The following VDAC2 variants were observed in gnomAD, a reference collection of about 807,000 sequenced individuals.
VDAC2 encodes the protein non-selective voltage-gated ion channel VDAC2.
A neutral mutation model predicts 36.6 loss-of-function variants in VDAC2; 6 were observed. The ratio of observed to expected loss-of-function variants is 0.16; its 90% CI spans 0.09 to 0.32. VDAC2 has a LOEUF of 0.32. Among genes scored for constraint, VDAC2 ranks in the 10% least tolerant of loss-of-function variants. The pLI, the probability that VDAC2 is intolerant of heterozygous loss-of-function variation, is 1.00. For missense variants in VDAC2, 247 were observed against 346.0 expected (o/e 0.71, Z 2.27); for synonymous variants, 109 against 123.8 (o/e 0.88, Z 0.79).
At chr10:75,210,429 G>C (rs988617497), upstream of VDAC2, among the ~76,000 whole-genome samples, 2 of 152,212 alleles carry the variant, frequency 1.3e-5, no homozygotes, top group Non-Finnish European at 1.5e-5. Flanking sequence ...GGGAGTAGGA[G>C]AGATCTACGT....
chr10:75,217,786 C>T (rs1414957927), intron 4 of VDAC2: 2 of 643,472 alleles, frequency 3.1e-6, no homozygotes, highest in African/African-American at 1.9e-5. Flanking sequence ...GGATTTGTCT[C>T]TAACAGCAGA....
intron 2 of VDAC2, chr10:75,211,401 C>T (rs1351532602): frequency 1.4e-6 from 2 of 1,436,952 alleles, no homozygotes; most frequent in South Asian, 1.5e-5. Flanking sequence ...TGGTCTGTGG[C>T]CGCATGGACT....
Position 75,218,961 on chromosome 10 carries a change from T to C in VDAC2, c.151-102T>C, listed in dbSNP as rs545189837. 4.7e-5 allele frequency: 59 copies of C among 1,253,412 alleles called. 2 individuals carry two copies. The highest frequency in any genetic ancestry group is 4.3e-4 in the East Asian group (18 of 42,024). The allele number at this position is 1,253,412 out of a possible 1,614,324, so 77.6% of individuals were successfully genotyped here. A position where few individuals can be genotyped will look rare whatever the true frequency, so the allele number is the denominator to read the frequency against. ...GAAGCTAGAAAAAGGATTCATGAAT[T>C]TACCAAATGTTTCAGGGGGTTTGTG... On this transcript the variant is annotated intron_variant, in intron 4 of 9. Coordinates refer to ENST00000332211, the MANE Select transcript of VDAC2 (RefSeq NM_001391963.1).
intron 6 of VDAC2, among the ~76,000 whole-genome samples, chr10:75,219,827 T>C (rs1304325123): frequency 2.0e-5 from 3 of 150,276 alleles, no homozygotes; most frequent in Non-Finnish European, 4.4e-5. Flanking sequence ...ATTTATTTTA[T>C]TTTATTTTAT....
At chr10:75,217,987 C>T (rs1460218366) in intron 4 of VDAC2, 1 of 1,258,210 alleles carries the variant, frequency 7.9e-7, no homozygotes, top group Non-Finnish European at 1.0e-6. Flanking sequence ...ACTCAGGAGG[C>T]TGAGGTACGT....
At chr10:75,213,140 G>A (rs1453133053) in intron 3 of VDAC2, among the ~76,000 whole-genome samples, 1 of 152,086 alleles carries the variant, frequency 6.6e-6, no homozygotes, top group African/African-American at 2.4e-5. Context: ...GTACAGGGGC[G>A]TGATCTCGGC....
intron 9 of VDAC2, among the ~76,000 whole-genome samples, chr10:75,230,141 G>A (rs1238638329): frequency 2.0e-5 from 3 of 152,100 alleles, no homozygotes; most frequent in East Asian, 1.9e-4. Flanking sequence ...CTAGAACAGC[G>A]CTTCTCCAAC....
intron 4 of VDAC2, among the ~76,000 whole-genome samples, 194 bp downstream of exon 4, chr10:75,214,264 CAT>C (rs1841528795): frequency 6.6e-6 from 1 of 152,166 alleles, no homozygotes; most frequent in Non-Finnish European, 1.5e-5. Flanking sequence ...GGTCTTTCGT[CAT>C]ATTATGTATG....
upstream of VDAC2, among the ~76,000 whole-genome samples, chr10:75,210,413 C>T (rs998046381): frequency 6.6e-6 from 1 of 152,182 alleles, no homozygotes; most frequent in Non-Finnish European, 1.5e-5. Context: ...CGCACCAGCG[C>T]GTAAGGGGAG....
At chr10:75,221,300 G>C (rs1841805392) in intron 7 of VDAC2, among the ~76,000 whole-genome samples, 1 of 152,072 alleles carries the variant, frequency 6.6e-6, no homozygotes, top group African/African-American at 2.4e-5. Context: ...TGATAGGATT[G>C]CCTAAAATGT....
chr10:75,220,828 G>A lies in VDAC2; in HGVS notation c.442G>A (p.Ala148Thr), dbSNP rs748945693. The change falls in exon 7 of 10, where the codon GCA becomes ACA. Residue 148 changes from alanine to threonine, a missense_variant. Around this residue, in one of 3 missense-constraint regions of VDAC2, gnomAD observed 159 missense variants for 234.0 expected, o/e 0.68. Transcript: ENST00000332211. ...TGTTGACTTTGATTTTGCTGGACCT[G>A]CAATCCATGGTTCAGCTGTCTTTGG... is the stretch of plus-strand genomic sequence containing the variant. ...CDVDFDFAGP[A>T]IHGSAVFGYE... The A allele has an allele frequency of 4.3e-6, 7 of 1,613,346 alleles. No homozygotes were observed. The East Asian group carries it at 1.3e-4, about 31-fold the overall frequency.
intron 7 of VDAC2, among the ~76,000 whole-genome samples, chr10:75,222,022 A>C (rs1841828121): frequency 6.6e-6 from 1 of 152,238 alleles, no homozygotes; most frequent in Admixed American, 6.5e-5. Context: ...TGCATGTTTA[A>C]TACAGTGTGA....
At chr10:75,219,863 T>G (rs192720922) in intron 6 of VDAC2, among the ~76,000 whole-genome samples, 1,990 of 151,836 alleles carry the variant, frequency 0.013, 32 homozygotes, top group Middle Eastern at 0.055. Context: ...AGTCTTACTC[T>G]GTCACACAGG....
intron 3 of VDAC2, 138 bp downstream of exon 3, chr10:75,212,436 A>G: frequency 1.3e-6 from 1 of 799,650 alleles, no homozygotes; most frequent in Non-Finnish European, 1.9e-6. Flanking sequence ...TTTTTGAGAC[A>G]GGGTCTCCCT....
chr10:75,212,615 T>A (rs982878570), intron 3 of VDAC2, among the ~76,000 whole-genome samples: 2 of 152,182 alleles, frequency 1.3e-5, no homozygotes, highest in South Asian at 2.1e-4. Flanking sequence ...AGGTGGGGTC[T>A]CACTGTGTTA....
chr10:75,211,372 G>A, intron 2 of VDAC2, 183 bp downstream of exon 2: 8 of 1,396,328 alleles, frequency 5.7e-6, no homozygotes, highest in Non-Finnish European at 7.6e-6. Flanking sequence ...TTTCAAATGG[G>A]GAACAAGGCC....
intron 7 of VDAC2, 90 bp downstream of exon 7, chr10:75,221,060 A>G: frequency 7.6e-7 from 1 of 1,309,256 alleles, no homozygotes; most frequent in African/African-American, 1.5e-5. Flanking sequence ...TGCACCCTAA[A>G]GGATTTCTCA....
At chr10:75,228,053 C>G (rs978438227) in intron 8 of VDAC2, among the ~76,000 whole-genome samples, 126 of 151,716 alleles carry the variant, frequency 8.3e-4, no homozygotes, top group African/African-American at 3.0e-3. Context: ...CACCACCACG[C>G]CCGGCTAATT....
intron 8 of VDAC2, among the ~76,000 whole-genome samples, chr10:75,222,702 C>G (rs1389057924): frequency 3.9e-5 from 6 of 152,092 alleles, no homozygotes; most frequent in African/African-American, 1.5e-4. Context: ...GTGGTTCTTA[C>G]TGTGTCAGAA....
Sources: gnomAD v4.1 joint callset for allele counts (sites outside exome capture counted in the v4.1 genomes callset) on GRCh38, gnomAD v4.1.1 for gene constraint, gnomAD v4.1.1 regional missense constraint, MANE v1.5 for transcripts, NCBI Gene and HGNC (gene_info 2026-07-23, HGNC 2026-07-21) for gene names.